Variants in EYA4 observed in about 807,000 individuals in gnomAD.
EYA4 encodes EYA transcriptional coactivator and phosphatase 4.
Under a neutral mutation model 87.9 loss-of-function variants are expected in EYA4, and 31 were observed. The ratio of observed to expected loss-of-function variants is 0.35; its 90% CI spans 0.27 to 0.48. The LOEUF is 0.48. EYA4 is among the 20% of genes least tolerant of loss of function. The probability of loss-of-function intolerance (pLI) is 0.99; values close to 1 mark genes in which losing one functional copy is unlikely to be tolerated. For missense variants in EYA4, 678 were observed against 761.4 expected, an observed-to-expected ratio of 0.89 and a Z score of 1.29; for synonymous variants, 263 against 270.6, an observed-to-expected ratio of 0.97 and a Z score of 0.28.
chr6:133,504,418 A>G (rs888623163), intron 13 of EYA4, among the ~76,000 whole-genome samples: 1 of 152,212 alleles, frequency 6.6e-6, no homozygotes, highest in Non-Finnish European at 1.5e-5. Flanking sequence ...CTGAGAAATG[A>G]GAATCTCTGC....
chr6:133,265,574 T>A (rs1582789890), intron 1 of EYA4, among the ~76,000 whole-genome samples: 1 of 152,204 alleles, frequency 6.6e-6, no homozygotes, highest in African/African-American at 2.4e-5. Flanking sequence ...TGTAAAATAA[T>A]ACTGTGTCTG....
At chr6:133,273,479 G>A (rs1298278251) in intron 1 of EYA4, among the ~76,000 whole-genome samples, 1 of 152,088 alleles carries the variant, frequency 6.6e-6, no homozygotes, top group Non-Finnish European at 1.5e-5. Context: ...CAATCAAGTT[G>A]ACACTCAGTA....
chr6:133,417,409 G>A (rs765031039), intron 3 of EYA4, among the ~76,000 whole-genome samples: 2 of 152,128 alleles, frequency 1.3e-5, no homozygotes, highest in Admixed American at 6.5e-5. Flanking sequence ...AGATACTGTC[G>A]TGTTTCAGAC....
At chr6:133,259,970 T>G (rs534882622) in intron 1 of EYA4, among the ~76,000 whole-genome samples, 1 of 152,346 alleles carries the variant, frequency 6.6e-6, no homozygotes, top group Non-Finnish European at 1.5e-5. Context: ...AATTATTTCT[T>G]TAGATGTATC....
intron 13 of EYA4, among the ~76,000 whole-genome samples, chr6:133,501,405 A>G (rs1448448983): frequency 6.6e-6 from 1 of 152,086 alleles, no homozygotes; most frequent in African/African-American, 2.4e-5. Flanking sequence ...ATACATAATT[A>G]GTCACTCAAT....
intron 2 of EYA4, among the ~76,000 whole-genome samples, chr6:133,316,392 G>T (rs1780623015): frequency 1.3e-5 from 2 of 152,052 alleles, no homozygotes; most frequent in Admixed American, 1.3e-4. Flanking sequence ...TACATAATCA[G>T]CTACTTAAAT....
At chr6:133,475,800 G>A (rs1386940648) in intron 11 of EYA4, among the ~76,000 whole-genome samples, 2 of 152,098 alleles carry the variant, frequency 1.3e-5, no homozygotes, top group African/African-American at 4.8e-5. Flanking sequence ...TTGAGCTCAA[G>A]TTCCTGGTTT....
chr6:133,461,314 C>G (rs1794362825), intron 7 of EYA4, 134 bp downstream of exon 7: 1 of 721,508 alleles, frequency 1.4e-6, no homozygotes. Flanking sequence ...ATGGAGACAC[C>G]CACATGTATC....
chr6:133,372,643 C>A (rs536535465), intron 2 of EYA4, among the ~76,000 whole-genome samples: 149 of 151,480 alleles, frequency 9.8e-4, no homozygotes, highest in African/African-American at 3.5e-3. Flanking sequence ...TGAATTTTCT[C>A]TTTATAAATG....
At chr6:133,349,928 C>T (rs1783508479) in intron 2 of EYA4, among the ~76,000 whole-genome samples, 1 of 152,092 alleles carries the variant, frequency 6.6e-6, no homozygotes, top group Admixed American at 6.5e-5. Flanking sequence ...GAAGTATAAA[C>T]TTCAGACATC....
chr6:133,460,401 G>C (rs1794276501), intron 6 of EYA4, among the ~76,000 whole-genome samples: 1 of 152,034 alleles, frequency 6.6e-6, no homozygotes, highest in Non-Finnish European at 1.5e-5. Flanking sequence ...TCCAGTTTGG[G>C]GCTCCATGTT....
chr6:133,504,207 T>C (rs576462730), intron 13 of EYA4, among the ~76,000 whole-genome samples: 1 of 152,216 alleles, frequency 6.6e-6, no homozygotes, highest in African/African-American at 2.4e-5. Context: ...CGTGAGCCAC[T>C]GTGCCTGGCC....
intron 2 of EYA4, among the ~76,000 whole-genome samples, chr6:133,293,972 C>G (rs1778701683): frequency 1.7e-5 from 1 of 58,982 alleles, no homozygotes; most frequent in Non-Finnish European, 2.7e-5. Flanking sequence ...TATTATTTTA[C>G]ATATATATAT....
intron 6 of EYA4, among the ~76,000 whole-genome samples, chr6:133,458,775 G>T (rs1338502652): frequency 6.6e-6 from 1 of 152,032 alleles, no homozygotes; most frequent in East Asian, 1.9e-4. Context: ...ATCTAAGATG[G>T]CACGATAATG....
At chr6:133,337,610 A>T (rs1168370306) in intron 2 of EYA4, among the ~76,000 whole-genome samples, 1 of 152,196 alleles carries the variant, frequency 6.6e-6, no homozygotes. Context: ...GGAAAAACAG[A>T]CCTTCAGAAA....
intron 2 of EYA4, among the ~76,000 whole-genome samples, chr6:133,376,924 G>A (rs1785740222): frequency 6.6e-6 from 1 of 151,998 alleles, no homozygotes; most frequent in South Asian, 2.1e-4. Flanking sequence ...ATAGTGTTGT[G>A]TAATAAGAGA....
chr6:133,283,821 C>T (rs922124197), intron 2 of EYA4, among the ~76,000 whole-genome samples: 13 of 152,072 alleles, frequency 8.5e-5, no homozygotes, highest in Admixed American at 6.5e-5. Flanking sequence ...TCCCTCACTC[C>T]CTCCCACCTG....
At chr6:133,363,697 G>A (rs1317237369) in intron 2 of EYA4, among the ~76,000 whole-genome samples, 3 of 151,964 alleles carry the variant, frequency 2.0e-5, no homozygotes, top group Non-Finnish European at 4.4e-5. Flanking sequence ...GGATGGTCTG[G>A]ATCTTCTGAC....
At chr6:133,518,517 A>C (rs1157748860) in intron 17 of EYA4, among the ~76,000 whole-genome samples, 1 of 152,176 alleles carries the variant, frequency 6.6e-6, no homozygotes, top group Non-Finnish European at 1.5e-5. Context: ...AGAAAAACAG[A>C]TGCTTTGTTG....
Sources: allele counts gnomAD v4.1 joint callset (sites outside exome capture counted in the v4.1 genomes callset), GRCh38; gene constraint gnomAD v4.1.1; transcripts MANE v1.5; gene names NCBI Gene and HGNC (gene_info 2026-07-23, HGNC 2026-07-21).